The following BSCL2 variants were observed in gnomAD, a reference collection of about 807,000 sequenced individuals.
BSCL2 encodes the protein BSCL2 lipid droplet biogenesis associated, seipin.
BSCL2 carries 41 observed loss-of-function variants against 57.4 expected under a neutral mutation model. The observed-to-expected ratio is 0.71, with a 90% CI of 0.56 to 0.93. The LOEUF is 0.93. BSCL2 is among the 40% of genes least tolerant of loss of function. The pLI, the probability that BSCL2 is intolerant of heterozygous loss-of-function variation, is 0.00. For missense variants in BSCL2, 539 were observed against 586.7 expected, an observed-to-expected ratio of 0.92 and a Z score of 0.84; for synonymous variants, 237 against 227.3, an observed-to-expected ratio of 1.04 and a Z score of -0.38.
At chr11:62,709,475 G>A (rs1366795553), upstream of BSCL2, 3 of 454,082 alleles carry the variant, frequency 6.6e-6, no homozygotes, top group Non-Finnish European at 8.8e-6. Flanking sequence ...ATTTAGGGGA[G>A]GGTGCGGGAG....
intron 3 of BSCL2, among the ~76,000 whole-genome samples, chr11:62,696,278 T>TTTTTTGTGTGTGTG (rs1554984017): frequency 1.5e-5 from 2 of 136,228 alleles, no homozygotes; most frequent in African/African-American, 5.4e-5. Context: ...CATAAACTTT[T>TTTTTTGTGTGTGTG]TGTGTGTGTG....
intron 3 of BSCL2, among the ~76,000 whole-genome samples, chr11:62,696,428 G>A (rs1258244816): frequency 1.3e-5 from 2 of 151,564 alleles, no homozygotes; most frequent in African/African-American, 4.8e-5. Context: ...TAAGTACCTG[G>A]GACCATACGG....
At chr11:62,690,975 G>A in intron 8 of BSCL2, 100 bp downstream of exon 8, 1 of 1,579,262 alleles carries the variant, frequency 6.3e-7, no homozygotes, top group Non-Finnish European at 8.7e-7. Flanking sequence ...GTCTCAGTCG[G>A]TGATACCCTA....
chr11:62,708,335 G>T, upstream of BSCL2: 1 of 1,613,698 alleles, frequency 6.2e-7, no homozygotes, highest in East Asian at 2.2e-5. Flanking sequence ...TATGAGTATT[G>T]GGCAAGCACG....
chr11:62,691,133 G>A lies in BSCL2; in HGVS notation c.1014C>T (p.Ile338=). ...PRHRFSLQVN[I]RKRDNSRKEV... is the part of the protein sequence containing the mutation. ...CCTTCCGGGAATTGTCTCTTTTTCG[G>A]ATGTTAACCTGTGGAGGAAAAACTA... The change falls in exon 8 of 11, where the codon ATC becomes ATT. Residue 338 remains isoleucine, a synonymous_variant. Coordinates refer to ENST00000360796, the MANE Select transcript of BSCL2 (RefSeq NM_001122955.4). 4.3e-6 allele frequency: 7 copies of A among 1,614,166 alleles called. No homozygotes were observed. The highest frequency in any genetic ancestry group is 5.9e-6 in the Non-Finnish European group (7 of 1,180,020).
chr11:62,704,369 TAAA>T (rs71056549), intron 2 of BSCL2, among the ~76,000 whole-genome samples: 2,261 of 81,748 alleles, frequency 0.028, 39 homozygotes, highest in Middle Eastern at 0.051. Context: ...CCATCTCTAC[TAAA>T]AAAAAAAAAA....
rs529823047 is a variant in BSCL2 at position 62,703,646 on chromosome 11, C to T, written c.405-1097G>A. On this transcript the variant is annotated intron_variant, in intron 2 of 10. Transcript: ENST00000360796. ...GATTACAGGTGTGAGCCACCGCGCC[C>T]GGCCGTATATATGTTTTTATGGCAG... 2.0e-5 allele frequency among the ~76,000 whole-genome samples: 3 copies of T among 151,692 alleles called. No homozygotes were observed. In the East Asian group the frequency reaches 5.9e-4, roughly 30 times the overall value.
chr11:62,704,171 GCA>G (rs1429976336), intron 2 of BSCL2, among the ~76,000 whole-genome samples: 2 of 150,956 alleles, frequency 1.3e-5, no homozygotes, highest in Non-Finnish European at 3.0e-5. Flanking sequence ...CCTTGGTGGG[GCA>G]CAGTGGCTCA....
Position 62,691,336 on chromosome 11 carries a change from T to C in BSCL2, c.949A>G (p.Ser317Gly). 1 of 1,614,064 alleles carries C rather than the reference T, an allele frequency of 6.2e-7. No homozygotes were observed. The highest frequency in any genetic ancestry group is 8.5e-7 in the Non-Finnish European group (1 of 1,180,018). ...CCCCCCCACACCCACTGCATGTAGC[T>C]GAAGAGCACGATGACGCTGAGGAAG... ...FTFLSVIVLF[S>G]YMQWVWGGIW... The change falls in exon 7 of 11, where the codon AGC (serine) becomes GGC (glycine). Residue 317 changes from serine (S) to glycine (G), a missense_variant. Around this residue, in one of 3 missense-constraint regions of BSCL2, gnomAD observed 248 missense variants for 239.9 expected, o/e 1.03. Transcript: ENST00000360796.
chr11:62,694,441 G>A, intron 4 of BSCL2, 127 bp downstream of exon 4: 1 of 1,398,224 alleles, frequency 7.2e-7, no homozygotes, highest in Non-Finnish European at 1.0e-6. Context: ...CTGGGCTCAA[G>A]CGATCTGCCT....
At chr11:62,706,773 T>A in intron 1 of BSCL2, 1 of 551,520 alleles carries the variant, frequency 1.8e-6, no homozygotes, top group South Asian at 1.5e-5. Context: ...CCTCTTGCGT[T>A]GTTGCGCAGG....
In BSCL2 at chr11:62,694,709, C is replaced by T. The variant is rs1256744350; in HGVS notation, c.489G>A (p.Val163=). The change falls in exon 4 of 11, where the codon GTG becomes GTA. Residue 163 remains valine, a splice_region_variant and synonymous_variant. Coordinates refer to ENST00000360796, the MANE Select transcript of BSCL2 (RefSeq NM_001122955.4). The part of the protein sequence containing the change: ...VSLTKGGRDR[V]LMYGQPYRVT... ...CACGATACGGCTGTCCATACATCAG[C>T]ACCTGCCAAAGGTAGCCCCCATTTC... The T allele has an allele frequency of 6.2e-7, 1 of 1,613,944 alleles. No individual in the cohort carries two copies. The highest frequency in any genetic ancestry group is 2.2e-5 in the East Asian group (1 of 44,898).
chr11:62,705,918 T>C lies in BSCL2; in HGVS notation c.88-301A>G. 3 of 361,642 alleles carry C rather than the reference T, an allele frequency of 8.3e-6. No individual in the cohort carries two copies. The East Asian group carries it at 1.5e-4, about 18-fold the overall frequency. 22.4% of individuals were successfully genotyped at this position (361,642 alleles called of 1,614,324 possible). On this transcript the variant is annotated intron_variant, in intron 1 of 10. Transcript: ENST00000360796. ...GCTATATAACAAAGAATAAGCACCT[T>C]ACGATTCTTAGAAAGAGCTTTACAC...
At position 62,691,160 on chromosome 11, in the gene BSCL2, T is replaced by A; in HGVS notation, c.1006-19A>T. ...TGTTAACCTGTGGAGGAAAAACTAC[T>A]GAGCAGCCAGGACTGACTTCCCTCA... is the stretch of plus-strand genomic sequence containing the variant. On this transcript the variant is annotated intron_variant, in intron 7 of 10. Transcript: ENST00000360796. The A allele has an allele frequency of 1.2e-6, 2 of 1,614,222 alleles. No individual in the cohort carries two copies. The highest frequency in any genetic ancestry group is 1.7e-6 in the Non-Finnish European group (2 of 1,180,032).
intron 2 of BSCL2, 89 bp downstream of exon 2, chr11:62,705,212 T>C (rs182193493): frequency 3.2e-5 from 44 of 1,370,190 alleles, no homozygotes; most frequent in Admixed American, 5.9e-5. Context: ...GTTTTCCTTA[T>C]CTGTAAATGA....
chr11:62,699,490 C>T (rs767314259), intron 3 of BSCL2, among the ~76,000 whole-genome samples: 1 of 152,146 alleles, frequency 6.6e-6, no homozygotes, highest in Non-Finnish European at 1.5e-5. Context: ...GCCACTGTGC[C>T]CAGTCAAGTC....
intron 8 of BSCL2, 88 bp downstream of exon 8, chr11:62,690,987 G>A: frequency 6.3e-7 from 1 of 1,580,884 alleles, no homozygotes; most frequent in Non-Finnish European, 8.7e-7. Context: ...GATACCCTAA[G>A]CCTCATACTG....
intron 3 of BSCL2, among the ~76,000 whole-genome samples, chr11:62,699,584 T>C (rs1374407189): frequency 3.3e-5 from 5 of 151,876 alleles, no homozygotes; most frequent in Non-Finnish European, 7.4e-5. Context: ...CTCATACCTG[T>C]AATCCCAGCA....
intron 3 of BSCL2, among the ~76,000 whole-genome samples, chr11:62,695,057 A>G (rs1229711926): frequency 6.6e-6 from 1 of 152,170 alleles, no homozygotes; most frequent in African/African-American, 2.4e-5. Context: ...GGCTGTCCCC[A>G]GGGCCCAGCC....
Sources: gnomAD v4.1 joint callset for allele counts (sites outside exome capture counted in the v4.1 genomes callset) on GRCh38, gnomAD v4.1.1 for gene constraint, gnomAD v4.1.1 regional missense constraint, MANE v1.5 for transcripts, NCBI Gene and HGNC (gene_info 2026-07-23, HGNC 2026-07-21) for gene names.